The following EBF2 variants were observed in gnomAD, a reference collection of about 807,000 sequenced individuals.
EBF2 encodes the protein transcription factor COE2.
In EBF2, 21 loss-of-function variants were observed where a neutral mutation model predicts 72.8. The observed-to-expected ratio is 0.29, with a 90% CI of 0.20 to 0.42. The LOEUF is 0.42. Ranked by LOEUF, EBF2 falls within the 10% of genes least tolerant of loss-of-function variation. EBF2 has a pLI of 1.00. For missense variants in EBF2, 637 were observed against 731.2 expected, an observed-to-expected ratio of 0.87 and a Z score of 1.49; for synonymous variants, 299 against 274.2, an observed-to-expected ratio of 1.09 and a Z score of -0.89.
At chr8:26,002,824 G>A (rs1469983899) in intron 6 of EBF2, among the ~76,000 whole-genome samples, 1 of 149,290 alleles carries the variant, frequency 6.7e-6, no homozygotes, top group Non-Finnish European at 1.5e-5. Context: ...AAAGCCAACG[G>A]GACAGGCAGG....
At chr8:25,937,990 A>G (rs1396908564) in intron 6 of EBF2, among the ~76,000 whole-genome samples, 1 of 152,232 alleles carries the variant, frequency 6.6e-6, no homozygotes, top group Non-Finnish European at 1.5e-5. Flanking sequence ...AGAGAAAAAA[A>G]GGAAGAAAAA....
intron 7 of EBF2, among the ~76,000 whole-genome samples, chr8:25,901,729 T>C (rs1802956948): frequency 6.6e-6 from 1 of 152,206 alleles, no homozygotes; most frequent in African/African-American, 2.4e-5. Flanking sequence ...ACTGTTACTA[T>C]AATGGTGAGT....
At chr8:25,891,487 C>T (rs1802779512) in intron 7 of EBF2, among the ~76,000 whole-genome samples, 2 of 152,076 alleles carry the variant, frequency 1.3e-5, no homozygotes, top group Non-Finnish European at 2.9e-5. Flanking sequence ...AATGACTCTT[C>T]CTGTCTACTC....
rs187964106 is a variant in EBF2 at position 26,007,252 on chromosome 8, C to T, written c.551+25833G>A. Among the ~76,000 whole-genome samples, 925 of 152,248 alleles carry T rather than the reference C, an allele frequency of 6.1e-3. 2 individuals carry two copies. Among genetic ancestry groups the T allele is most frequent in the Non-Finnish European group, 9.5e-3 (647 of 68,004 alleles). On this transcript the variant is annotated intron_variant, in intron 6 of 15. Coordinates refer to ENST00000520164, the MANE Select transcript of EBF2 (RefSeq NM_022659.4). ...CTGGCCTCTTGGTGAGTGGACAGGA[C>T]GCCAGGCTGTGTGTCCTGCCTTGGG...
chr8:25,900,292 CA>C (rs1351072925), intron 7 of EBF2, among the ~76,000 whole-genome samples: 1 of 152,082 alleles, frequency 6.6e-6, no homozygotes, highest in Non-Finnish European at 1.5e-5. Flanking sequence ...CCTGTCTCTA[CA>C]AAAAACACAA....
chr8:25,936,061 C>T (rs1803573651), intron 6 of EBF2, among the ~76,000 whole-genome samples: 1 of 152,118 alleles, frequency 6.6e-6, no homozygotes, highest in Admixed American at 6.5e-5. Context: ...TCAGGAATGG[C>T]AGTGTTCAGT....
At chr8:25,994,304 GAAGAA>G (rs1563202359) in intron 6 of EBF2, among the ~76,000 whole-genome samples, 2 of 152,092 alleles carry the variant, frequency 1.3e-5, no homozygotes, top group African/African-American at 2.4e-5. Flanking sequence ...AATGGCAACA[GAAGAA>G]AAGAATAGGA....
rs1166482663 is a variant in EBF2 at position 26,042,235 on chromosome 8, G to T, written c.148C>A (p.Arg50=). The change falls in exon 2 of 16, where the codon CGG becomes AGG. Residue 50 remains arginine (R), a synonymous_variant. Transcript: ENST00000520164. ...GGAGGCTGTTTCTCAAAGTGGGCCC[G>T]GGACAGGGCGACCCCGCTGCACAGG... ...VAAQSGVALS[R]AHFEKQPPSN... The T allele has an allele frequency of 6.2e-7, 1 of 1,613,700 alleles. No homozygotes were observed. Among genetic ancestry groups the T allele is most frequent in the Non-Finnish European group, 8.5e-7 (1 of 1,179,808 alleles).
intron 6 of EBF2, among the ~76,000 whole-genome samples, chr8:25,926,148 G>A (rs1374315273): frequency 1.3e-5 from 2 of 152,150 alleles, no homozygotes; most frequent in African/African-American, 4.8e-5. Flanking sequence ...ACCACCAGGT[G>A]AGGGCTCTGT....
At chr8:25,892,240 A>G (rs1400292199) in intron 7 of EBF2, among the ~76,000 whole-genome samples, 1 of 152,236 alleles carries the variant, frequency 6.6e-6, no homozygotes, top group Non-Finnish European at 1.5e-5. Context: ...ATAAAAGTAT[A>G]TAAATGTGGC....
chr8:25,999,473 C>G (rs907400624), intron 6 of EBF2, among the ~76,000 whole-genome samples: 4 of 152,180 alleles, frequency 2.6e-5, no homozygotes, highest in African/African-American at 9.7e-5. Flanking sequence ...TTACCTCCCT[C>G]AAAGAGAACT....
At chr8:26,013,258 G>A (rs938983359) in intron 6 of EBF2, among the ~76,000 whole-genome samples, 1 of 152,062 alleles carries the variant, frequency 6.6e-6, no homozygotes, top group African/African-American at 2.4e-5. Flanking sequence ...CACAGCCAGG[G>A]GCAAAACAGC....
intron 10 of EBF2, among the ~76,000 whole-genome samples, chr8:25,885,977 C>T (rs1802684040): frequency 6.6e-6 from 1 of 152,032 alleles, no homozygotes; most frequent in East Asian, 1.9e-4. Flanking sequence ...CTCACCTCAC[C>T]CTGTGGCCTT....
At chr8:25,971,366 T>G (rs1804187120) in intron 6 of EBF2, among the ~76,000 whole-genome samples, 1 of 152,142 alleles carries the variant, frequency 6.6e-6, no homozygotes, top group South Asian at 2.1e-4. Flanking sequence ...ATTTTGCAGA[T>G]CCGTGTTCTC....
intron 6 of EBF2, among the ~76,000 whole-genome samples, chr8:25,938,120 A>G (rs536091320): frequency 1.7e-3 from 253 of 152,310 alleles, no homozygotes; most frequent in Non-Finnish European, 2.8e-3. Context: ...CGTGGGATTT[A>G]CTGACAGGAG....
In EBF2 at chr8:25,861,233, A is replaced by G; in HGVS notation, c.1165-7T>C. The G allele has an allele frequency of 6.2e-7, 1 of 1,613,116 alleles. No homozygotes were observed. Among genetic ancestry groups the G allele is most frequent in the Non-Finnish European group, 8.5e-7 (1 of 1,179,322 alleles). On this transcript the variant is annotated splice_polypyrimidine_tract_variant and splice_region_variant and intron_variant, in intron 12 of 15. Transcript: ENST00000520164. ...CTCGCTTCAAAATGATGTCCTACAA[A>G]ACAACAGGTTAATGTGAGCATTCTA...
chr8:25,912,146 A>C (rs1467328552), intron 6 of EBF2, among the ~76,000 whole-genome samples: 1 of 152,216 alleles, frequency 6.6e-6, no homozygotes, highest in East Asian at 1.9e-4. Context: ...ACTGTATTTC[A>C]TTCTCACAAC....
chr8:25,886,552 A>C (rs1454877968), intron 10 of EBF2, among the ~76,000 whole-genome samples: 1 of 151,966 alleles, frequency 6.6e-6, no homozygotes, highest in Non-Finnish European at 1.5e-5. Context: ...GTGATCTCCC[A>C]GATCATGCAG....
At chr8:25,850,520 A>G (rs1801942410) in intron 15 of EBF2, 74 bp downstream of exon 15, 1 of 1,437,024 alleles carries the variant, frequency 7.0e-7, no homozygotes, top group Non-Finnish European at 9.2e-7. Context: ...GAGCTATACA[A>G]TGATGTGCTG....
Sources: gnomAD v4.1 joint callset for allele counts (sites outside exome capture counted in the v4.1 genomes callset) on GRCh38, gnomAD v4.1.1 for gene constraint, MANE v1.5 for transcripts, NCBI Gene and HGNC (gene_info 2026-07-23, HGNC 2026-07-21) for gene names.